The following KCTD1 variants were observed in gnomAD, a reference collection of about 807,000 sequenced individuals.
KCTD1 encodes the protein BTB/POZ domain-containing protein KCTD1.
In KCTD1, 24 loss-of-function variants were observed where a neutral mutation model predicts 66.0. That is an observed-to-expected ratio of 0.36 (90% CI 0.26 to 0.51). KCTD1 has a LOEUF of 0.51. KCTD1 is among the 20% of genes least tolerant of loss of function. The pLI is 0.95. For synonymous variants in KCTD1, 511 were observed against 517.2 expected (o/e 0.99, Z 0.16); for missense variants, 943 against 1,205.2 (o/e 0.78, Z 3.22).
chr18:26,523,239 G>A (rs538050924), intron 1 of KCTD1, among the ~76,000 whole-genome samples: 106 of 152,164 alleles, frequency 7.0e-4, no homozygotes, highest in Non-Finnish European at 1.2e-3. Context: ...CCAAGAGGAC[G>A]GCACTGTTTG....
upstream of KCTD1, among the ~76,000 whole-genome samples, chr18:26,632,293 G>A (rs887213513): frequency 9.9e-5 from 15 of 151,848 alleles, no homozygotes; most frequent in Admixed American, 2.6e-4. Context: ...GGATGAGGCA[G>A]GAGAATTGCT....
chr18:26,630,440 T>G (rs1274950978), upstream of KCTD1, among the ~76,000 whole-genome samples: 1 of 152,154 alleles, frequency 6.6e-6, no homozygotes, highest in Non-Finnish European at 1.5e-5. Context: ...CACAGGCTTC[T>G]GAGTAGCTAG....
chr18:26,614,918 A>G (rs1215105451), intron 1 of KCTD1, among the ~76,000 whole-genome samples: 2 of 152,198 alleles, frequency 1.3e-5, no homozygotes, highest in Admixed American at 1.3e-4. Context: ...TTCACTAACA[A>G]TTTGCTCATT....
intron 1 of KCTD1, among the ~76,000 whole-genome samples, chr18:26,513,238 C>T (rs994042070): frequency 1.3e-5 from 2 of 152,000 alleles, no homozygotes; most frequent in East Asian, 1.9e-4. Context: ...CAGGCGCCCG[C>T]AACCACGCCG....
rs76194510 is a variant in KCTD1, at chr18:26,488,604, T to C, written c.1989-11945A>G. On this transcript the variant is annotated intron_variant, in intron 2 of 4. Coordinates refer to ENST00000580059, the MANE Select transcript of KCTD1 (RefSeq NM_001142730.3). ...AGAAACAAGTTTGGGCGAGCTCAAA[T>C]TCACCCTTCAGCTATGAAGCCCTCC... is the stretch of plus-strand genomic sequence containing the variant. 7.3e-3 allele frequency among the ~76,000 whole-genome samples: 1,105 copies of C among 152,308 alleles called. 4 individuals are homozygous for C. The highest frequency in any genetic ancestry group is 0.012 in the Non-Finnish European group (813 of 68,020).
intron 3 of KCTD1, among the ~76,000 whole-genome samples, chr18:26,466,660 C>T (rs568460693): frequency 6.6e-6 from 1 of 152,292 alleles, no homozygotes; most frequent in African/African-American, 2.4e-5. Context: ...TTATTGCAGC[C>T]TAAGGAGCAT....
At chr18:26,480,039 AATTTTT>A (rs1371838495) in intron 2 of KCTD1, among the ~76,000 whole-genome samples, 2 of 92,524 alleles carry the variant, frequency 2.2e-5, no homozygotes, top group Non-Finnish European at 4.7e-5. Context: ...CTGGTTTTGG[AATTTTT>A]TTTTTTTTTT....
chr18:26,537,207 T>C (rs1447529973), intron 1 of KCTD1, among the ~76,000 whole-genome samples: 2 of 152,012 alleles, frequency 1.3e-5, no homozygotes, highest in Non-Finnish European at 2.9e-5. Context: ...AGCAAGTCTC[T>C]TTTTTTTCTG....
chr18:26,593,552 G>C (rs1335958105), intron 1 of KCTD1, among the ~76,000 whole-genome samples: 1 of 126,272 alleles, frequency 7.9e-6, no homozygotes, highest in South Asian at 2.8e-4. Context: ...AAGAAGACGA[G>C]GAGGAGGAGG....
In KCTD1 at chr18:26,459,770, G is replaced by T. The variant is rs1468680823; in HGVS notation, c.2289C>A (p.Ile763=). Residue 763 remains isoleucine (I), a synonymous_variant, in exon 4 of 5, where the codon ATC becomes ATA. Transcript: ENST00000580059. ...VRVAPDLGER[I]TLSGDKSLIE... ...TCAAGGATTTGTCACCGCTTAGCGT[G>T]ATCCTTTCTCCGAGGTCTGGGGCCA... 6.2e-7 allele frequency: 1 copy of T among 1,614,184 alleles called. No homozygotes were observed. The highest frequency in any genetic ancestry group is 1.7e-5 in the Admixed American group (1 of 60,028).
At chr18:26,657,117 C>T (rs1362682836) in intron 1 of KCTD1, among the ~76,000 whole-genome samples, 2 of 151,750 alleles carry the variant, frequency 1.3e-5, no homozygotes, top group Non-Finnish European at 2.9e-5. Flanking sequence ...GCCCTGCTCT[C>T]GCCAGCTCCC....
chr18:26,487,712 C>A (rs934195096), intron 2 of KCTD1, among the ~76,000 whole-genome samples: 1 of 152,214 alleles, frequency 6.6e-6, no homozygotes, highest in Non-Finnish European at 1.5e-5. Context: ...CAATTGTCTA[C>A]GCCCTTCTGG....
chr18:26,641,257 G>T (rs180817477), upstream of KCTD1, among the ~76,000 whole-genome samples: 380 of 152,286 alleles, frequency 2.5e-3, 2 homozygotes, highest in Non-Finnish European at 4.4e-3. Context: ...ACATCTGGGG[G>T]CAGAGCCTTT....
intron 1 of KCTD1, among the ~76,000 whole-genome samples, chr18:26,564,124 A>G (rs183097691): frequency 2.0e-5 from 3 of 151,784 alleles, no homozygotes; most frequent in African/African-American, 4.8e-5. Flanking sequence ...ACATGCCTGT[A>G]TCACCCATTT....
chr18:26,600,273 C>A (rs1446335233), intron 1 of KCTD1: 1 of 1,606,260 alleles, frequency 6.2e-7, no homozygotes, highest in Non-Finnish European at 8.5e-7. Context: ...GCTGCCCCTA[C>A]CTTGGGATGC....
chr18:26,470,196 T>C (rs1290995150), intron 3 of KCTD1, among the ~76,000 whole-genome samples: 1 of 152,192 alleles, frequency 6.6e-6, no homozygotes, highest in East Asian at 1.9e-4. Flanking sequence ...GTGGGACAGA[T>C]GCTGCTGGCT....
chr18:26,576,552 G>A (rs1020818233), intron 1 of KCTD1, among the ~76,000 whole-genome samples: 4 of 152,044 alleles, frequency 2.6e-5, no homozygotes, highest in Non-Finnish European at 4.4e-5. Flanking sequence ...CAGCCATTTC[G>A]AACGATTCAG....
chr18:26,654,661 C>A (rs1988095462), intron 1 of KCTD1, among the ~76,000 whole-genome samples: 1 of 151,998 alleles, frequency 6.6e-6, no homozygotes, highest in Non-Finnish European at 1.5e-5. Context: ...TATCTTTCAC[C>A]CTCAATTCAT....
chr18:26,536,445 T>C (rs756300901), intron 1 of KCTD1, among the ~76,000 whole-genome samples: 1 of 152,228 alleles, frequency 6.6e-6, no homozygotes, highest in Non-Finnish European at 1.5e-5. Context: ...TTAAATTTTT[T>C]GACAAGGTAA....
Sources: allele counts gnomAD v4.1 joint callset (sites outside exome capture counted in the v4.1 genomes callset), GRCh38; gene constraint gnomAD v4.1.1; transcripts MANE v1.5; gene names NCBI Gene and HGNC (gene_info 2026-07-23, HGNC 2026-07-21).